RBFOX1: variants seen among roughly 807,000 people sequenced by gnomAD.
RBFOX1 encodes RNA binding fox-1 homolog 1, also known as RNA binding protein fox-1 homolog 1.
A neutral mutation model predicts 57.7 loss-of-function variants in RBFOX1; 8 were observed. That is an observed-to-expected ratio of 0.14 (90% CI 0.08 to 0.25). The LOEUF is 0.25. Ranked by LOEUF, RBFOX1 falls within the 10% of genes least tolerant of loss-of-function variation. RBFOX1 has a pLI of 1.00. For missense variants in RBFOX1, 611 were observed against 548.5 expected, an observed-to-expected ratio of 1.11 and a Z score of -1.14; for synonymous variants, 326 against 222.4, an observed-to-expected ratio of 1.47 and a Z score of -4.15.
chr16:6,015,426 T>A (rs974115919), upstream of RBFOX1, among the ~76,000 whole-genome samples: 2 of 152,184 alleles, frequency 1.3e-5, no homozygotes, highest in African/African-American at 4.8e-5. Context: ...ATCATTATGG[T>A]AATGGTGCAT....
intron 4 of RBFOX1, among the ~76,000 whole-genome samples, chr16:7,070,429 A>C (rs946871660): frequency 9.2e-5 from 14 of 152,272 alleles, no homozygotes; most frequent in African/African-American, 3.4e-4. Flanking sequence ...TCTGATAACA[A>C]CTTAGAGATT....
At chr16:5,792,843 C>G (rs1020476246) in intron 3 of RBFOX1, among the ~76,000 whole-genome samples, 2 of 147,658 alleles carry the variant, frequency 1.4e-5, no homozygotes, top group South Asian at 2.1e-4. Flanking sequence ...GACTCCATCT[C>G]AAAAAAAAAA....
intron 3 of RBFOX1, among the ~76,000 whole-genome samples, chr16:6,976,679 ATATC>A (rs909910559): frequency 3.3e-5 from 5 of 149,440 alleles, no homozygotes; most frequent in African/African-American, 1.2e-4. Flanking sequence ...TATATCATAT[ATATC>A]ATACCTATAG....
At chr16:6,151,677 T>A (rs1315475963) in intron 1 of RBFOX1, among the ~76,000 whole-genome samples, 1 of 152,198 alleles carries the variant, frequency 6.6e-6, no homozygotes, top group Admixed American at 6.5e-5. Context: ...GATTTGTTTG[T>A]TAGAAGAGGG....
At chr16:6,690,625 A>G (rs1048389864) in intron 3 of RBFOX1, among the ~76,000 whole-genome samples, 6 of 152,104 alleles carry the variant, frequency 3.9e-5, no homozygotes, top group Non-Finnish European at 7.4e-5. Context: ...GGATTGGTTG[A>G]TTCGTTGGCT....
At position 6,508,396 on chromosome 16, in the gene RBFOX1, C is replaced by T. The variant is rs145685597; in HGVS notation, c.-63-146207C>T. ...AAAAATATAATGTAAGTAGACTTAACACTCCTGAACTGTACACTTAAGAAT... is the reference window on the plus strand; with the variant it reads ...AAAAATATAATGTAAGTAGACTTAATACTCCTGAACTGTACACTTAAGAAT... On this transcript the variant is annotated intron_variant, in intron 2 of 15. Transcript: ENST00000550418. 1.4e-3 allele frequency among the ~76,000 whole-genome samples: 208 copies of T among 152,208 alleles called. 1 individual carries two copies. Among genetic ancestry groups the T allele is most frequent in the Middle Eastern group, 3.4e-3 (1 of 294 alleles).
At chr16:6,050,430 T>G (rs1218493614) in intron 1 of RBFOX1, among the ~76,000 whole-genome samples, 1 of 152,248 alleles carries the variant, frequency 6.6e-6, no homozygotes, top group African/African-American at 2.4e-5. Context: ...ATTTCACATG[T>G]TCCTGTGTCC....
chr16:5,535,511 C>T (rs2044658694), intron 2 of RBFOX1, among the ~76,000 whole-genome samples: 1 of 152,192 alleles, frequency 6.6e-6, no homozygotes, highest in Non-Finnish European at 1.5e-5. Flanking sequence ...GTTTACAAAT[C>T]CAGCTGGCAA....
At chr16:6,671,298 AATG>A (rs1195565873) in intron 3 of RBFOX1, among the ~76,000 whole-genome samples, 1 of 152,206 alleles carries the variant, frequency 6.6e-6, no homozygotes, top group African/African-American at 2.4e-5. Context: ...GGCTATTAAA[AATG>A]ATGAATACAC....
chr16:7,051,537 CA>C (rs1451080206), intron 3 of RBFOX1, among the ~76,000 whole-genome samples: 3 of 152,232 alleles, frequency 2.0e-5, no homozygotes, highest in Admixed American at 2.0e-4. Context: ...CTCCCCAGCA[CA>C]ATCCTATGGG....
chr16:6,214,763 AGG>A (rs2097323172), intron 1 of RBFOX1, among the ~76,000 whole-genome samples: 1 of 62,400 alleles, frequency 1.6e-5, no homozygotes, highest in African/African-American at 6.4e-5. Flanking sequence ...GGGAGAGAGA[AGG>A]AGAGAGAGAG....
At chr16:6,105,251 G>C (rs1247149738) in intron 1 of RBFOX1, among the ~76,000 whole-genome samples, 2 of 152,158 alleles carry the variant, frequency 1.3e-5, no homozygotes, top group African/African-American at 4.8e-5. Flanking sequence ...CCTGGTGGCA[G>C]GCAGGAATGT....
intron 4 of RBFOX1, among the ~76,000 whole-genome samples, chr16:7,224,089 T>C (rs189231358): frequency 1.5e-5 from 2 of 137,194 alleles, no homozygotes; most frequent in Admixed American, 1.7e-4. Context: ...TCTGGGTCTT[T>C]CAGGATCTAG....
At chr16:6,402,922 C>T (rs949436673) in intron 2 of RBFOX1, among the ~76,000 whole-genome samples, 2 of 152,154 alleles carry the variant, frequency 1.3e-5, no homozygotes, top group African/African-American at 2.4e-5. Context: ...ATCAAAGCTT[C>T]AGTAGACATG....
chr16:6,283,893 G>A (rs1016455199), intron 1 of RBFOX1, among the ~76,000 whole-genome samples: 5 of 152,176 alleles, frequency 3.3e-5, no homozygotes, highest in South Asian at 2.1e-4. Context: ...ACGCTAAACC[G>A]ACTTTGTTTC....
chr16:6,725,641 T>G (rs907579814), intron 3 of RBFOX1, among the ~76,000 whole-genome samples: 2 of 152,218 alleles, frequency 1.3e-5, no homozygotes, highest in African/African-American at 2.4e-5. Flanking sequence ...AGTCATTCTT[T>G]ATTCCTTTTA....
At chr16:7,517,911 C>G (rs1265025038) in intron 4 of RBFOX1, among the ~76,000 whole-genome samples, 2 of 151,582 alleles carry the variant, frequency 1.3e-5, no homozygotes, top group East Asian at 1.9e-4. Context: ...GCGACTTTAT[C>G]TTTATCTTTC....
intron 2 of RBFOX1, among the ~76,000 whole-genome samples, chr16:6,378,776 T>C (rs1309385445): frequency 6.6e-6 from 1 of 152,174 alleles, no homozygotes; most frequent in Non-Finnish European, 1.5e-5. Flanking sequence ...CCCTCATTGC[T>C]ATTATCTTCA....
At chr16:6,929,582 G>A (rs894873976) in intron 3 of RBFOX1, among the ~76,000 whole-genome samples, 4 of 151,970 alleles carry the variant, frequency 2.6e-5, no homozygotes, top group South Asian at 2.1e-4. Context: ...GCATGGGGCC[G>A]GGGAAATTTA....
Sources: allele counts gnomAD v4.1 joint callset (sites outside exome capture counted in the v4.1 genomes callset), GRCh38; gene constraint gnomAD v4.1.1; transcripts MANE v1.5; gene names NCBI Gene and HGNC (gene_info 2026-07-23, HGNC 2026-07-21).